The following MACF1 variants were observed in gnomAD, a reference collection of about 807,000 sequenced individuals.
MACF1 encodes the protein microtubule-actin cross-linking factor 1.
MACF1 carries 193 observed loss-of-function variants against 854.8 expected under a neutral mutation model. That is an observed-to-expected ratio of 0.23 (90% CI 0.20 to 0.25). The LOEUF (loss-of-function observed/expected upper bound fraction) is 0.25. MACF1 is among the 10% of genes least tolerant of loss of function. The pLI, the probability that MACF1 is intolerant of heterozygous loss-of-function variation, is 1.00. For missense variants in MACF1, 7,722 were observed against 8,929.1 expected, an observed-to-expected ratio of 0.86 and a Z score of 5.45; for synonymous variants, 3,185 against 3,226.7, an observed-to-expected ratio of 0.99 and a Z score of 0.44.
chr1:39,285,156 A>G lies in MACF1; in HGVS notation c.1205A>G (p.Lys402Arg). The G allele has an allele frequency of 6.2e-7, 1 of 1,614,220 alleles. No individual in the cohort carries two copies. Among genetic ancestry groups the G allele is most frequent in the Non-Finnish European group, 8.5e-7 (1 of 1,180,038 alleles). ...AATGATGTGGAAGAAGAGTGGGGAA[A>G]GCTCATCATAGAGATGCTGGAACGA... ...HPNDVEEEWG[K>R]LIIEMLEREK... Residue 402 changes from lysine (K) to arginine (R), a missense_variant, in exon 12 of 101, where the codon AAG (lysine) becomes AGG (arginine). This residue lies in a region of MACF1 where 1,137 missense variants were observed against 1,263.0 expected (regional missense o/e 0.90). Transcript: ENST00000564288.
At position 39,460,956 on chromosome 1, in the gene MACF1, C is replaced by T. The variant is rs1644539743; in HGVS notation, c.21523+162C>T. ...GAGGCAGGTGGCAAAGGCATGGTGGCACACTTGCAGTCCTAGCTACTTGGG... is the reference window on the plus strand; with the variant it reads ...GAGGCAGGTGGCAAAGGCATGGTGGTACACTTGCAGTCCTAGCTACTTGGG... On this transcript the variant is annotated intron_variant, in intron 92 of 100. Coordinates refer to ENST00000564288, the MANE Select transcript of MACF1 (RefSeq NM_001394062.1). The surrounding 1 kb of genome is among the most constrained non-coding windows in gnomAD (Gnocchi z 4.1). Among the ~76,000 whole-genome samples, 1 of 151,874 alleles carries T rather than the reference C, an allele frequency of 6.6e-6. No individual in the cohort carries two copies. Among genetic ancestry groups the T allele is most frequent in the Admixed American group, 6.6e-5 (1 of 15,260 alleles).
rs59393084 is a variant in MACF1, at chr1:39,461,791, C to CAAAA, written c.21524-68_21524-65dup. 6.3e-5 allele frequency: 22 copies of CAAAA among 350,898 alleles called. No homozygotes were observed. In the African/African-American group the frequency reaches 8.0e-4, roughly 13 times the overall value. The allele number at this position is 350,898 out of a possible 1,614,324, so 21.7% of individuals were successfully genotyped here. On this transcript the variant is annotated intron_variant, in intron 92 of 100. Coordinates refer to ENST00000564288, the MANE Select transcript of MACF1 (RefSeq NM_001394062.1). ...TGGGCGACAGAGCAAGACCTTGTCT[C>CAAAA]AAAAAAAAAAAAAAAAAAAAAAAAA...
intron 6 of MACF1, among the ~76,000 whole-genome samples, chr1:39,277,814 T>C (rs1050564177): frequency 6.6e-5 from 10 of 152,202 alleles, no homozygotes; most frequent in African/African-American, 2.4e-4. Context: ...GGCTGTGTTT[T>C]TTTATTTTGA....
intron 80 of MACF1, among the ~76,000 whole-genome samples, chr1:39,445,335 A>C (rs1183461673): frequency 6.6e-6 from 1 of 152,236 alleles, no homozygotes; most frequent in Non-Finnish European, 1.5e-5. Flanking sequence ...ATGACTAGGG[A>C]TCAAGGTGTT....
rs777673560 is a variant in MACF1 at position 39,447,539 on chromosome 1, A to C, written c.19713A>C (p.Pro6571=). The stretch of plus-strand genomic sequence containing the variant: ...AGCAGAGTTTAAACATCGCTTCTCC[A>C]CCAAGCCTGATTCTAAATACTGTCC... The part of the protein sequence containing the change: ...LAEQSLNIAS[P]PSLILNTVLS... Residue 6571 remains proline, a synonymous_variant, in exon 81 of 101, where the codon CCA becomes CCC. Transcript: ENST00000564288. 1 of 1,614,170 alleles carries C rather than the reference A, an allele frequency of 6.2e-7. No homozygotes were observed.
At chr1:39,183,451 A>T (rs78373507) in intron 2 of MACF1, among the ~76,000 whole-genome samples, 4,673 of 152,242 alleles carry the variant, frequency 0.031, 113 homozygotes, top group Middle Eastern at 0.082. Context: ...GCTGCCACTG[A>T]GAATCTTGAA....
intron 1 of MACF1, among the ~76,000 whole-genome samples, chr1:39,224,237 C>T (rs75014187): frequency 0.023 from 3,487 of 151,826 alleles, 83 homozygotes; most frequent in East Asian, 0.13. Context: ...TTAGGTGGTT[C>T]CTGAACACTC....
At chr1:39,361,334 G>A in intron 48 of MACF1, 26 bp from the exon 49 acceptor site, 2 of 1,602,878 alleles carry the variant, frequency 1.2e-6, no homozygotes, top group Non-Finnish European at 1.7e-6. Flanking sequence ...TGAACCAGGA[G>A]CTGACAGACG....
At chr1:39,428,436 C>A in intron 63 of MACF1, 149 bp downstream of exon 63, 1 of 741,226 alleles carries the variant, frequency 1.3e-6, no homozygotes, top group Non-Finnish European at 2.2e-6. Context: ...TTGATGCTGA[C>A]TGCTAATCTG....
Position 39,319,830 on chromosome 1 carries a change from G to C in MACF1, c.4029+83G>C. ...ATCTTCACTGTAGGTTCTGTTTCTA[G>C]ACAAATTAAGCAGAGTTCTTATGCT... On this transcript the variant is annotated intron_variant, in intron 31 of 100. Coordinates refer to ENST00000564288, the MANE Select transcript of MACF1 (RefSeq NM_001394062.1). 3.0e-6 allele frequency: 3 copies of C among 985,264 alleles called. No homozygotes were observed. The South Asian group carries it at 4.4e-5, about 15-fold the overall frequency. The allele number at this position is 985,264 out of a possible 1,614,324, so 61.0% of individuals were successfully genotyped here.
At chr1:39,305,670 T>G (rs1646157996) in intron 23 of MACF1, among the ~76,000 whole-genome samples, 1 of 152,224 alleles carries the variant, frequency 6.6e-6, no homozygotes, top group African/African-American at 2.4e-5. Flanking sequence ...CACATCTTAC[T>G]CTAGGGGACT....
At chr1:39,473,007 T>C (rs939922846) in intron 97 of MACF1, among the ~76,000 whole-genome samples, 13 of 152,214 alleles carry the variant, frequency 8.5e-5, no homozygotes, top group African/African-American at 2.9e-4. Context: ...CGTTAGAGAA[T>C]TGTTCACACG....
At position 39,368,254 on chromosome 1, in the gene MACF1, A is replaced by G; in HGVS notation, c.12878A>G (p.Gln4293Arg). Residue 4293 changes from glutamine to arginine, a missense_variant, in exon 50 of 101, where the codon CAG (glutamine) becomes CGG (arginine). Transcript: ENST00000564288. ...CGFALDLCQH[Q>R]DRVQNLRKDF... is the part of the protein sequence containing the mutation. ...TTTGCGCTGGACTTGTGCCAGCATC[A>G]GGACAGGGTACAGAATCTAAGAAAA... The G allele has an allele frequency of 6.2e-7, 1 of 1,614,202 alleles. No individual in the cohort carries two copies. Among genetic ancestry groups the G allele is most frequent in the Non-Finnish European group, 8.5e-7 (1 of 1,180,024 alleles).
chr1:39,428,156 A>G lies in MACF1; in HGVS notation c.16672A>G (p.Asn5558Asp). The G allele has an allele frequency of 6.2e-7, 1 of 1,614,202 alleles. No individual in the cohort carries two copies. Among genetic ancestry groups the G allele is most frequent in the Non-Finnish European group, 8.5e-7 (1 of 1,180,032 alleles). Residue 5558 changes from asparagine to aspartate, a missense_variant, in exon 63 of 101, where the codon AAT becomes GAT. Coordinates refer to ENST00000564288, the MANE Select transcript of MACF1 (RefSeq NM_001394062.1). ...KAALLDQALS[N>D]ARLFGEDEVE... ...AGCCCTACTTGACCAAGCTCTGTCT[A>G]ATGCTAGGCTGTTTGGGGAGGATGA...
At chr1:39,260,193 C>T (rs2148345031) in intron 6 of MACF1, among the ~76,000 whole-genome samples, 1 of 152,226 alleles carries the variant, frequency 6.6e-6, no homozygotes, top group East Asian at 1.9e-4. Flanking sequence ...GGCATGACCA[C>T]AGTGGTCTTT....
intron 2 of MACF1, among the ~76,000 whole-genome samples, chr1:39,171,067 C>T (rs1209908957): frequency 6.6e-6 from 1 of 152,130 alleles, no homozygotes; most frequent in Non-Finnish European, 1.5e-5. Flanking sequence ...AAGCTTCTGA[C>T]ATTTTTATTT....
In MACF1 at chr1:39,447,881, A is replaced by G; in HGVS notation, c.19951A>G (p.Arg6651Gly). 5 of 1,614,140 alleles carry G rather than the reference A, an allele frequency of 3.1e-6. No individual in the cohort carries two copies. Among genetic ancestry groups the G allele is most frequent in the Non-Finnish European group, 2.5e-6 (3 of 1,180,030 alleles). ...AAGAGGGCGATCACTAGATGATGCC[A>G]GGAAGCGGGCAAAACAAGTAAGTTG... ...IERGRSLDDA[R>G]KRAKQFHEAW... The change falls in exon 82 of 101, where the codon AGG becomes GGG. Residue 6651 changes from arginine to glycine, a missense_variant. Physicochemically the swap from Arg to Gly is moderately radical, Grantham distance 125. Transcript: ENST00000564288.
chr1:39,257,007 G>A (rs140131813), intron 5 of MACF1, among the ~76,000 whole-genome samples: 2 of 151,994 alleles, frequency 1.3e-5, no homozygotes, highest in East Asian at 1.9e-4. Context: ...GCAAAATGGC[G>A]TAGCTACTCT....
At chr1:39,395,682 A>C (rs1222356753) in intron 58 of MACF1, among the ~76,000 whole-genome samples, 1 of 152,192 alleles carries the variant, frequency 6.6e-6, no homozygotes. Context: ...TTGGCTGCTG[A>C]TATTTATAAC....
Sources: gnomAD v4.1 joint callset for allele counts (sites outside exome capture counted in the v4.1 genomes callset) on GRCh38, gnomAD v4.1.1 for gene constraint, gnomAD v4.1.1 regional missense constraint, Gnocchi (gnomAD v3.1) non-coding constraint, MANE v1.5 for transcripts, NCBI Gene and HGNC (gene_info 2026-07-23, HGNC 2026-07-21) for gene names.